The following AIF1L variants were observed in gnomAD, a reference collection of about 807,000 sequenced individuals.
AIF1L encodes the protein allograft inflammatory factor 1 like.
AIF1L carries 12 observed loss-of-function variants against 20.7 expected under a neutral mutation model. That is an observed-to-expected ratio of 0.58 (90% CI 0.37 to 0.94). The LOEUF (loss-of-function observed/expected upper bound fraction) is 0.94, where lower values mean the gene tolerates loss of function less well. Among genes scored for constraint, AIF1L ranks in the 40% least tolerant of loss-of-function variants. The pLI, the probability that AIF1L is intolerant of heterozygous loss-of-function variation, is 0.01. For missense variants in AIF1L, 173 were observed against 185.3 expected, an observed-to-expected ratio of 0.93 and a Z score of 0.39; for synonymous variants, 76 against 65.1, an observed-to-expected ratio of 1.17 and a Z score of -0.81.
chr9:131,103,856 T>C (rs1830687565), intron 2 of AIF1L, among the ~76,000 whole-genome samples: 1 of 152,198 alleles, frequency 6.6e-6, no homozygotes, highest in African/African-American at 2.4e-5. Flanking sequence ...ATCCCCTATG[T>C]CCTACACACC....
intron 2 of AIF1L, among the ~76,000 whole-genome samples, chr9:131,109,948 A>G (rs1830838314): frequency 1.3e-5 from 2 of 152,010 alleles, no homozygotes; most frequent in Non-Finnish European, 2.9e-5. Context: ...CGTGGCTCAC[A>G]CCTGTAATCC....
intron 5 of AIF1L, among the ~76,000 whole-genome samples, chr9:131,119,425 C>T (rs1831085875): frequency 6.6e-6 from 1 of 151,126 alleles, no homozygotes; most frequent in South Asian, 2.1e-4. Context: ...CACTTGAGCC[C>T]AGGAGGCGGA....
chr9:131,115,669 T>G (rs1038087533), intron 4 of AIF1L, among the ~76,000 whole-genome samples: 7 of 151,494 alleles, frequency 4.6e-5, no homozygotes, highest in Non-Finnish European at 1.5e-5. Flanking sequence ...GATCATTTTT[T>G]TTTTTCTTTA....
intron 2 of AIF1L, among the ~76,000 whole-genome samples, chr9:131,101,790 A>C (rs1830646143): frequency 6.6e-6 from 1 of 152,188 alleles, no homozygotes; most frequent in South Asian, 2.1e-4. Flanking sequence ...GCTATGACAC[A>C]GGCCTCTCTT....
At chr9:131,107,084 T>A (rs2133385447) in intron 2 of AIF1L, among the ~76,000 whole-genome samples, 1 of 152,028 alleles carries the variant, frequency 6.6e-6, no homozygotes, top group East Asian at 1.9e-4. Context: ...AGAGTGAGAC[T>A]CCGTCCCAAA....
intron 2 of AIF1L, 34 bp downstream of exon 2, chr9:131,096,897 C>G: frequency 2.7e-6 from 4 of 1,505,198 alleles, no homozygotes; most frequent in Non-Finnish European, 3.5e-6. Context: ...ACGCGAGTCC[C>G]GAGCCGCGCG....
At chr9:131,097,421 A>G (rs371126541) in intron 2 of AIF1L, among the ~76,000 whole-genome samples, 3 of 149,112 alleles carry the variant, frequency 2.0e-5, no homozygotes, top group African/African-American at 7.3e-5. Context: ...AAAAGTACAA[A>G]TAGAAGACTC....
At chr9:131,108,268 C>T (rs1830795514) in intron 2 of AIF1L, 2 of 145,228 alleles carry the variant, frequency 1.4e-5, no homozygotes, top group Admixed American at 7.1e-5. Flanking sequence ...GGCACAATCT[C>T]GGCTCCCGGC....
intron 4 of AIF1L, among the ~76,000 whole-genome samples, chr9:131,116,800 G>T (rs548551575): frequency 1.3e-5 from 2 of 152,236 alleles, no homozygotes; most frequent in Non-Finnish European, 2.9e-5. Flanking sequence ...CGAACTGCCC[G>T]AGAAAGGTCC....
At chr9:131,119,810 G>A (rs990419368) in intron 5 of AIF1L, among the ~76,000 whole-genome samples, 6 of 152,172 alleles carry the variant, frequency 3.9e-5, no homozygotes, top group African/African-American at 1.2e-4. Flanking sequence ...GAGGTTATAC[G>A]CTGAGCCCCT....
At chr9:131,106,296 C>T (rs1327025202) in intron 2 of AIF1L, 1 of 1,383,348 alleles carries the variant, frequency 7.2e-7, no homozygotes, top group African/African-American at 1.4e-5. Flanking sequence ...CTCAACTCCT[C>T]CACTCATCCT....
chr9:131,111,524 C>T (rs527966090), intron 2 of AIF1L, 73 bp from the exon 3 acceptor site: 37 of 1,415,954 alleles, frequency 2.6e-5, no homozygotes, highest in Admixed American at 3.4e-5. Flanking sequence ...GGAAGGCCCC[C>T]GGACAGTGGG....
chr9:131,117,397 A>G (rs534108864), intron 4 of AIF1L, among the ~76,000 whole-genome samples: 1 of 152,194 alleles, frequency 6.6e-6, no homozygotes, highest in Non-Finnish European at 1.5e-5. Context: ...GTGTGAAGAA[A>G]GTGCTCTGGG....
intron 2 of AIF1L, among the ~76,000 whole-genome samples, chr9:131,108,568 GAAT>G (rs542087928): frequency 6.8e-4 from 104 of 152,248 alleles, no homozygotes; most frequent in African/African-American, 2.4e-3. Flanking sequence ...TGTAAAATGG[GAAT>G]AATAGTGGCT....
intron 5 of AIF1L, among the ~76,000 whole-genome samples, chr9:131,118,578 G>A (rs897303578): frequency 2.1e-5 from 3 of 141,360 alleles, no homozygotes; most frequent in East Asian, 2.1e-4. Flanking sequence ...TTGAGATCTC[G>A]CTCTGTCACC....
chr9:131,112,041 A>G, intron 3 of AIF1L: 1 of 226,480 alleles, frequency 4.4e-6, no homozygotes, highest in East Asian at 1.1e-4. Context: ...TCCCCAGCAG[A>G]GCGTCTCAGG....
intron 2 of AIF1L, 141 bp downstream of exon 2, chr9:131,097,004 C>CCGCCCCCAGCCCCGT: frequency 1.1e-6 from 1 of 951,382 alleles, no homozygotes; most frequent in Non-Finnish European, 1.4e-6. Context: ...GTGCCTCCCT[C>CCGCCCCCAGCCCCGT]CGCCCCCAGC....
At chr9:131,108,305 T>TTC (rs933595405) in intron 2 of AIF1L, 4 of 151,064 alleles carry the variant, frequency 2.6e-5, no homozygotes, top group African/African-American at 9.8e-5. Flanking sequence ...GTGCAAGTGA[T>TTC]TCTCCTGCCT....
chr9:131,097,897 G>A lies in AIF1L; in HGVS notation c.93+1034G>A, dbSNP rs536401768. The stretch of plus-strand genomic sequence containing the variant: ...CAGAACTAGCATTATTTCCTGAGGT[G>A]GATGTCTCCCAGTTTCCTTCTTAAC... On this transcript the variant is annotated intron_variant, in intron 2 of 5. Transcript: ENST00000247291. 2.0e-5 allele frequency among the ~76,000 whole-genome samples: 3 copies of A among 152,372 alleles called. No individual in the cohort carries two copies. The South Asian group carries it at 6.2e-4, about 32-fold the overall frequency.
Sources: gnomAD v4.1 joint callset for allele counts (sites outside exome capture counted in the v4.1 genomes callset) on GRCh38, gnomAD v4.1.1 for gene constraint, MANE v1.5 for transcripts, NCBI Gene and HGNC (gene_info 2026-07-23, HGNC 2026-07-21) for gene names.